SLC39A11: variants seen among roughly 807,000 people sequenced by gnomAD.
SLC39A11 encodes the protein zinc transporter ZIP11.
A neutral mutation model predicts 36.1 loss-of-function variants in SLC39A11; 33 were observed. The ratio of observed to expected loss-of-function variants is 0.91; its 90% CI spans 0.69 to 1.22. SLC39A11 has a LOEUF of 1.22. SLC39A11 is among the 50% of genes most tolerant of loss of function. The probability of loss-of-function intolerance (pLI) is 0.00; values close to 1 mark genes in which losing one functional copy is unlikely to be tolerated. For synonymous variants in SLC39A11, 166 were observed against 170.3 expected, an observed-to-expected ratio of 0.97 and a Z score of 0.20; for missense variants, 432 against 430.3, an observed-to-expected ratio of 1.00 and a Z score of -0.03.
intron 7 of SLC39A11, among the ~76,000 whole-genome samples, chr17:72,693,073 G>C (rs1411349719): frequency 2.0e-5 from 3 of 152,190 alleles, no homozygotes; most frequent in Non-Finnish European, 2.9e-5. Flanking sequence ...CAAACATCTG[G>C]ATCAATTTGA....
At chr17:72,877,046 G>A (rs2080936542) in intron 5 of SLC39A11, among the ~76,000 whole-genome samples, 1 of 152,154 alleles carries the variant, frequency 6.6e-6, no homozygotes, top group Non-Finnish European at 1.5e-5. Flanking sequence ...GCATAATGTA[G>A]GTTAGTGTCC....
At chr17:73,052,243 A>C (rs570114907) in intron 3 of SLC39A11, among the ~76,000 whole-genome samples, 2 of 152,268 alleles carry the variant, frequency 1.3e-5, no homozygotes, top group South Asian at 4.1e-4. Flanking sequence ...CATTTATAAC[A>C]AGAAAAACCT....
chr17:72,903,924 A>C (rs1365950107), intron 5 of SLC39A11, among the ~76,000 whole-genome samples: 2 of 152,154 alleles, frequency 1.3e-5, no homozygotes, highest in African/African-American at 4.8e-5. Flanking sequence ...GCTCCTGGGC[A>C]GGAAAAAAAG....
chr17:72,801,274 G>A (rs1057390726), intron 6 of SLC39A11, among the ~76,000 whole-genome samples: 1 of 152,224 alleles, frequency 6.6e-6, no homozygotes, highest in African/African-American at 2.4e-5. Flanking sequence ...ATGCTGGAGT[G>A]CAGGGCCACA....
At chr17:72,764,768 C>T (rs2075707401) in intron 6 of SLC39A11, among the ~76,000 whole-genome samples, 1 of 152,104 alleles carries the variant, frequency 6.6e-6, no homozygotes, top group Non-Finnish European at 1.5e-5. Flanking sequence ...TTTTGCAGCC[C>T]AGCAATAGGA....
intron 7 of SLC39A11, among the ~76,000 whole-genome samples, chr17:72,716,693 G>A (rs2073381195): frequency 6.6e-6 from 1 of 152,178 alleles, no homozygotes; most frequent in East Asian, 1.9e-4. Context: ...TCAGAGCCCG[G>A]TGTGGTGGCT....
At chr17:72,916,519 C>G (rs2083342323) in intron 5 of SLC39A11, among the ~76,000 whole-genome samples, 1 of 152,108 alleles carries the variant, frequency 6.6e-6, no homozygotes, top group African/African-American at 2.4e-5. Flanking sequence ...ATGGCAGCAG[C>G]TGGGCACTGC....
At chr17:72,834,506 C>T (rs2078431285) in intron 6 of SLC39A11, among the ~76,000 whole-genome samples, 1 of 152,156 alleles carries the variant, frequency 6.6e-6, no homozygotes. Context: ...CCTGTAATTC[C>T]AGCTATTGAG....
chr17:73,061,679 G>A (rs544741016), intron 3 of SLC39A11, among the ~76,000 whole-genome samples: 3 of 152,294 alleles, frequency 2.0e-5, no homozygotes, highest in African/African-American at 7.2e-5. Flanking sequence ...TCTTTTCTGA[G>A]TCCTTAAAGC....
Position 72,649,216 on chromosome 17 carries a change from T to C in SLC39A11, c.724A>G (p.Ser242Gly), listed in dbSNP as rs771241011. 6.2e-7 allele frequency: 1 copy of C among 1,614,232 alleles called. No homozygotes were observed. Among genetic ancestry groups the C allele is most frequent in the Non-Finnish European group, 8.5e-7 (1 of 1,180,040 alleles). Reference protein sequence around the residue: ...IQNFPEGLAVSLPLRGAGFST... With the variant: ...IQNFPEGLAVGLPLRGAGFST... ...AAGCCTGCCCCTCGCAAGGGAAGGC[T>C]GACAGCCAGGCCCTCGGGGAAATTC... Residue 242 changes from serine (S) to glycine (G), a missense_variant, in exon 8 of 10, where the codon AGC becomes GGC. By Grantham distance (56) the Ser-to-Gly change is moderately conservative. Transcript: ENST00000255559.
At chr17:72,963,007 G>T (rs920961265) in intron 4 of SLC39A11, among the ~76,000 whole-genome samples, 4 of 152,030 alleles carry the variant, frequency 2.6e-5, no homozygotes, top group Non-Finnish European at 1.5e-5. Context: ...TCTTTTAAGG[G>T]CTCACCTCAC....
intron 1 of SLC39A11, chr17:73,091,910 T>G (rs1022862341): frequency 7.2e-5 from 11 of 152,266 alleles, no homozygotes; most frequent in Admixed American, 5.9e-4. Flanking sequence ...AACCTGTTGT[T>G]CCGCTTCCAA....
intron 6 of SLC39A11, among the ~76,000 whole-genome samples, chr17:72,748,445 A>T (rs2075028439): frequency 1.3e-5 from 2 of 152,236 alleles, no homozygotes; most frequent in Admixed American, 1.3e-4. Context: ...ATTAATGTTG[A>T]CAAGTGTGCT....
chr17:72,785,515 G>T (rs1313941719), intron 6 of SLC39A11, among the ~76,000 whole-genome samples: 1 of 152,222 alleles, frequency 6.6e-6, no homozygotes, highest in Non-Finnish European at 1.5e-5. Flanking sequence ...GGGAGAGAGG[G>T]CTGAAAGATG....
In SLC39A11 at chr17:72,797,089, C is replaced by T. The variant is rs138040172; in HGVS notation, c.601+52545G>A. 1.1e-3 allele frequency among the ~76,000 whole-genome samples: 165 copies of T among 152,188 alleles called. 2 individuals are homozygous for T. Among genetic ancestry groups the T allele is most frequent in the African/African-American group, 3.8e-3 (157 of 41,476 alleles). On this transcript the variant is annotated intron_variant, in intron 6 of 9. Transcript: ENST00000255559. ...CTTGAAAGTGCCTGTGTGTGAGGAG[C>T]GTGTATCTCACACATTGTTCCATGT...
intron 5 of SLC39A11, among the ~76,000 whole-genome samples, chr17:72,904,294 G>A (rs2082540232): frequency 6.6e-6 from 1 of 152,150 alleles, no homozygotes; most frequent in Non-Finnish European, 1.5e-5. Flanking sequence ...AAAAAGAGGT[G>A]AGCCCAGAGT....
chr17:73,004,866 A>T (rs1598812597), intron 4 of SLC39A11, among the ~76,000 whole-genome samples: 1 of 151,146 alleles, frequency 6.6e-6, no homozygotes, highest in Non-Finnish European at 1.5e-5. Context: ...CCATCGGCTC[A>T]TGGAATACCC....
intron 6 of SLC39A11, among the ~76,000 whole-genome samples, chr17:72,813,260 C>G (rs747372398): frequency 6.6e-6 from 1 of 152,176 alleles, no homozygotes; most frequent in Non-Finnish European, 1.5e-5. Flanking sequence ...CAAACCCTAA[C>G]GGATGGAGAA....
At chr17:72,657,950 G>A (rs530451065) in intron 7 of SLC39A11, among the ~76,000 whole-genome samples, 57 of 152,302 alleles carry the variant, frequency 3.7e-4, no homozygotes, top group South Asian at 6.2e-4. Context: ...GGGTCCTTGC[G>A]GGCTGCTGTC....
Sources: allele counts gnomAD v4.1 joint callset (sites outside exome capture counted in the v4.1 genomes callset), GRCh38; gene constraint gnomAD v4.1.1; transcripts MANE v1.5; gene names NCBI Gene and HGNC (gene_info 2026-07-23, HGNC 2026-07-21).